Variants in RBFOX1 observed in about 807,000 individuals in gnomAD.
RBFOX1 encodes the protein RNA binding protein fox-1 homolog 1.
RBFOX1 carries 8 observed loss-of-function variants against 57.7 expected under a neutral mutation model. That is an observed-to-expected ratio of 0.14 (90% CI 0.08 to 0.25). The LOEUF is 0.25. RBFOX1 is among the 10% of genes least tolerant of loss of function. The pLI is 1.00. For synonymous variants in RBFOX1, 326 were observed against 222.4 expected, an observed-to-expected ratio of 1.47 and a Z score of -4.15; for missense variants, 611 against 548.5, an observed-to-expected ratio of 1.11 and a Z score of -1.14.
chr16:5,279,074 G>C (rs374556393), intron 1 of RBFOX1, among the ~76,000 whole-genome samples: 4,181 of 151,940 alleles, frequency 0.028, 164 homozygotes, highest in African/African-American at 0.089. Flanking sequence ...TATTTGGGGT[G>C]TTCTGTGGTT....
intron 4 of RBFOX1, among the ~76,000 whole-genome samples, chr16:7,127,434 T>C (rs2068892938): frequency 6.6e-6 from 1 of 152,212 alleles, no homozygotes; most frequent in Admixed American, 6.5e-5. Flanking sequence ...CCATCTTATA[T>C]ATACTGTTAT....
intron 5 of RBFOX1, among the ~76,000 whole-genome samples, chr16:7,530,700 A>C (rs184985060): frequency 2.2e-3 from 332 of 152,220 alleles, no homozygotes; most frequent in African/African-American, 7.7e-3. Context: ...GAGCCTGCCA[A>C]ATTGTCAAAT....
chr16:6,739,007 A>G (rs1373331343), intron 3 of RBFOX1, among the ~76,000 whole-genome samples: 3 of 152,198 alleles, frequency 2.0e-5, no homozygotes, highest in Non-Finnish European at 4.4e-5. Flanking sequence ...AGGGAAATGT[A>G]TACCCCTAAA....
At chr16:6,429,719 G>A (rs1203202576) in intron 2 of RBFOX1, among the ~76,000 whole-genome samples, 1 of 152,150 alleles carries the variant, frequency 6.6e-6, no homozygotes, top group African/African-American at 2.4e-5. Flanking sequence ...TTATAAATGG[G>A]AATTCTCCTG....
chr16:6,972,380 C>T (rs564264231), intron 3 of RBFOX1, among the ~76,000 whole-genome samples: 1 of 152,078 alleles, frequency 6.6e-6, no homozygotes, highest in Non-Finnish European at 1.5e-5. Context: ...TATCACTTAG[C>T]ATAATGTCCT....
At chr16:5,248,447 C>A (rs2062358819) in intron 1 of RBFOX1, among the ~76,000 whole-genome samples, 1 of 152,226 alleles carries the variant, frequency 6.6e-6, no homozygotes, top group African/African-American at 2.4e-5. Flanking sequence ...CTGGGGGCAG[C>A]CTTTCCCCTT....
At chr16:5,859,315 C>G (rs536069842) in intron 3 of RBFOX1, among the ~76,000 whole-genome samples, 2 of 152,208 alleles carry the variant, frequency 1.3e-5, no homozygotes, top group Non-Finnish European at 2.9e-5. Context: ...GCTACTGTTA[C>G]AGTGATTACC....
At chr16:6,404,063 A>G (rs1034349804) in intron 2 of RBFOX1, among the ~76,000 whole-genome samples, 5 of 152,166 alleles carry the variant, frequency 3.3e-5, no homozygotes, top group Non-Finnish European at 7.4e-5. Context: ...CACCTAGCCT[A>G]TACAGCTGGC....
chr16:7,196,161 C>A (rs895372503), intron 4 of RBFOX1, among the ~76,000 whole-genome samples: 1 of 152,070 alleles, frequency 6.6e-6, no homozygotes, highest in Non-Finnish European at 1.5e-5. Flanking sequence ...CAGGCTTGGC[C>A]CAATAATTTT....
At chr16:6,169,477 G>C (rs1036044724) in intron 1 of RBFOX1, among the ~76,000 whole-genome samples, 1 of 152,086 alleles carries the variant, frequency 6.6e-6, no homozygotes, top group Non-Finnish European at 1.5e-5. Context: ...AAATTTAAAG[G>C]AGTTAATTGA....
At position 7,129,999 on chromosome 16, in the gene RBFOX1, A is replaced by G. The variant is rs891752174; in HGVS notation, c.27+77901A>G. On this transcript the variant is annotated intron_variant, in intron 4 of 15. Coordinates refer to ENST00000550418, the MANE Select transcript of RBFOX1 (RefSeq NM_018723.4). ...GATATATACTCCTCTACTTCCATCT[A>G]TACCTGGCCTCTAATCTTCTTCATT... is the stretch of plus-strand genomic sequence containing the variant. Among the ~76,000 whole-genome samples, 15 of 151,124 alleles carry G rather than the reference A, an allele frequency of 9.9e-5. No homozygotes were observed. In the East Asian group the frequency reaches 1.4e-3, roughly 14 times the overall value.
intron 4 of RBFOX1, among the ~76,000 whole-genome samples, chr16:5,991,854 A>C (rs2060405764): frequency 6.6e-6 from 1 of 152,040 alleles, no homozygotes; most frequent in Non-Finnish European, 1.5e-5. Context: ...GAAATTAGAT[A>C]TGGTGTATCT....
chr16:5,817,303 T>G (rs898254474), intron 3 of RBFOX1, among the ~76,000 whole-genome samples: 12 of 152,190 alleles, frequency 7.9e-5, no homozygotes, highest in African/African-American at 2.9e-4. Flanking sequence ...TTCTCCCCAG[T>G]TCCCCTCACA....
chr16:7,352,931 G>A (rs1470960480), intron 4 of RBFOX1, among the ~76,000 whole-genome samples: 1 of 152,004 alleles, frequency 6.6e-6, no homozygotes, highest in Non-Finnish European at 1.5e-5. Context: ...GCCTACGCTG[G>A]TATCGAACTG....
intron 3 of RBFOX1, among the ~76,000 whole-genome samples, chr16:6,865,273 G>T (rs373674956): frequency 2.6e-5 from 4 of 151,862 alleles, no homozygotes; most frequent in African/African-American, 9.7e-5. Context: ...ACAGTACTGG[G>T]ATTACAGACG....
chr16:6,838,471 G>A (rs535728529), intron 3 of RBFOX1, among the ~76,000 whole-genome samples: 1 of 152,162 alleles, frequency 6.6e-6, no homozygotes, highest in African/African-American at 2.4e-5. Context: ...AGAAATGTCT[G>A]AATAACCTGC....
rs1166998032 is a variant in RBFOX1, at chr16:5,284,756, A to ATTTTTTTTTTTTTTTTTTTTTTTTT, written c.219+44653_219+44677dup. ...GCTGGGTATAGTAGTTTTGGCTTAG[A>ATTTTTTTTTTTTTTTTTTTTTTTTT]TTTTTTTTTTTTTTTTTTTTTTTTT... On this transcript the variant is annotated intron_variant, in intron 1 of 2. Coordinates refer to the RBFOX1 transcript ENST00000585867. 1.6e-4 allele frequency among the ~76,000 whole-genome samples: 10 copies of ATTTTTTTTTTTTTTTTTTTTTTTTT among 61,048 alleles called. 1 individual carries two copies. Among genetic ancestry groups the ATTTTTTTTTTTTTTTTTTTTTTTTT allele is most frequent in the East Asian group, 6.0e-4 (1 of 1,676 alleles). The allele number at this position is 61,048 out of a possible 152,430, so 40.0% of individuals were successfully genotyped here.
intron 3 of RBFOX1, among the ~76,000 whole-genome samples, chr16:6,995,613 A>T (rs561663194): frequency 1.3e-5 from 2 of 152,214 alleles, no homozygotes; most frequent in Non-Finnish European, 2.9e-5. Flanking sequence ...TACAAAAATT[A>T]GCTGGACGTG....
chr16:6,938,880 C>G (rs536671426), intron 3 of RBFOX1, among the ~76,000 whole-genome samples: 8 of 151,988 alleles, frequency 5.3e-5, no homozygotes, highest in Non-Finnish European at 7.4e-5. Flanking sequence ...AGCAGTGAGC[C>G]GAGATTGCAC....
Sources: gnomAD v4.1 joint callset for allele counts (sites outside exome capture counted in the v4.1 genomes callset) on GRCh38, gnomAD v4.1.1 for gene constraint, MANE v1.5 for transcripts, NCBI Gene and HGNC (gene_info 2026-07-23, HGNC 2026-07-21) for gene names.